Variants in DNAAF9 observed in about 807,000 individuals in gnomAD.
DNAAF9 encodes the protein shulin.
In DNAAF9, 90 loss-of-function variants were observed where a neutral mutation model predicts 167.0. The observed-to-expected ratio is 0.54, with a 90% CI of 0.45 to 0.64. DNAAF9 has a LOEUF of 0.64. DNAAF9 is among the 30% of genes least tolerant of loss of function. The pLI is 0.00. For synonymous variants in DNAAF9, 491 were observed against 508.8 expected, an observed-to-expected ratio of 0.96 and a Z score of 0.47; for missense variants, 1,315 against 1,442.2, an observed-to-expected ratio of 0.91 and a Z score of 1.43.
intron 1 of DNAAF9, among the ~76,000 whole-genome samples, chr20:3,396,227 A>G (rs1243174639): frequency 6.6e-6 from 1 of 152,146 alleles, no homozygotes; most frequent in Non-Finnish European, 1.5e-5. Context: ...AGTCCGTTAC[A>G]TTTTTTCAAA....
At chr20:3,384,392 G>A (rs2083704574) in intron 1 of DNAAF9, 1 of 152,180 alleles carries the variant, frequency 6.6e-6, no homozygotes, top group Non-Finnish European at 1.5e-5. Context: ...ACTGATGACT[G>A]TTTTCTTCCT....
chr20:3,274,177 G>C (rs1490011180), intron 29 of DNAAF9, among the ~76,000 whole-genome samples: 1 of 151,814 alleles, frequency 6.6e-6, no homozygotes, highest in Non-Finnish European at 1.5e-5. Context: ...GAGTCTCACT[G>C]GGTCACCCAG....
At chr20:3,255,323 A>G in intron 34 of DNAAF9, 39 bp from the exon 35 acceptor site, 1 of 1,347,006 alleles carries the variant, frequency 7.4e-7, no homozygotes, top group South Asian at 1.3e-5. Flanking sequence ...TCCCAGCAGA[A>G]CTCATGGAGT....
chr20:3,298,012 A>G lies in DNAAF9; in HGVS notation c.1929+17T>C. The G allele has an allele frequency of 6.2e-7, 1 of 1,603,270 alleles. No individual in the cohort carries two copies. Among genetic ancestry groups the G allele is most frequent in the Non-Finnish European group, 8.5e-7 (1 of 1,170,860 alleles). ...AAAAAAGTAGTAGTAGTTTTGCTGA[A>G]TAATGACTGATATTACCTCTGAGTA... is the stretch of plus-strand genomic sequence containing the variant. On this transcript the variant is annotated intron_variant, in intron 22 of 36. Coordinates refer to ENST00000252032, the MANE Select transcript of DNAAF9 (RefSeq NM_001009984.3).
chr20:3,397,247 C>CAA (rs563829447), intron 1 of DNAAF9, among the ~76,000 whole-genome samples: 15 of 120,000 alleles, frequency 1.3e-4, no homozygotes, highest in South Asian at 7.8e-4. Flanking sequence ...GACCCCGTAT[C>CAA]AAAAAAAAAA....
At chr20:3,275,470 A>G (rs1443057121) in intron 29 of DNAAF9, among the ~76,000 whole-genome samples, 1 of 152,230 alleles carries the variant, frequency 6.6e-6, no homozygotes, top group African/African-American at 2.4e-5. Flanking sequence ...CACAACTTGT[A>G]CAAAGTCCTG....
chr20:3,264,628 G>A (rs2068454210), intron 30 of DNAAF9, 104 bp from the exon 31 acceptor site: 14 of 702,030 alleles, frequency 2.0e-5, no homozygotes, highest in Non-Finnish European at 3.6e-5. Flanking sequence ...GGAGTGCAGT[G>A]GTGCAATCTT....
chr20:3,253,927 T>C (rs1311687045), intron 35 of DNAAF9, 108 bp from the exon 36 acceptor site: 2 of 678,060 alleles, frequency 2.9e-6, no homozygotes, highest in South Asian at 3.5e-5. Context: ...TACTCTGCTA[T>C]ACAGAGGAGC....
At chr20:3,263,872 A>T (rs2068438032) in intron 31 of DNAAF9, among the ~76,000 whole-genome samples, 1 of 152,006 alleles carries the variant, frequency 6.6e-6, no homozygotes, top group African/African-American at 2.4e-5. Flanking sequence ...CCATATAGAG[A>T]GTGGAGTCTT....
At chr20:3,275,439 G>T (rs2068661073) in intron 29 of DNAAF9, among the ~76,000 whole-genome samples, 1 of 152,310 alleles carries the variant, frequency 6.6e-6, no homozygotes, top group East Asian at 1.9e-4. Context: ...AGAAAAGGCT[G>T]GGATCTGGGT....
chr20:3,376,240 A>G lies in DNAAF9; in HGVS notation c.346T>C (p.Tyr116His). The G allele has an allele frequency of 6.2e-7, 1 of 1,613,582 alleles. No individual in the cohort carries two copies. The highest frequency in any genetic ancestry group is 1.1e-5 in the South Asian group (1 of 91,048). The change falls in exon 4 of 37, where the codon TAT becomes CAT. Residue 116 changes from tyrosine to histidine, a missense_variant. Around this residue, in one of 2 missense-constraint regions of DNAAF9, gnomAD observed 981 missense variants for 1,012.5 expected, o/e 0.97. Coordinates refer to ENST00000252032, the MANE Select transcript of DNAAF9 (RefSeq NM_001009984.3). Reference sequence around the variant, plus strand: ...CAATGTGCCACATAAGGTAAGAGATAGCGAAAGTTTACAGGATTACAGTAC... The same window carrying G: ...CAATGTGCCACATAAGGTAAGAGATGGCGAAAGTTTACAGGATTACAGTAC... The part of the protein sequence containing the change: ...HLYCNPVNFR[Y>H]LLPYVAHWRN...
At chr20:3,276,620 C>T (rs1362983436) in intron 29 of DNAAF9, among the ~76,000 whole-genome samples, 2 of 152,178 alleles carry the variant, frequency 1.3e-5, no homozygotes, top group East Asian at 1.9e-4. Flanking sequence ...AGAACACTTC[C>T]CCAAGGCTCT....
At chr20:3,331,659 G>T (rs1051499988) in intron 11 of DNAAF9, among the ~76,000 whole-genome samples, 1 of 152,082 alleles carries the variant, frequency 6.6e-6, no homozygotes, top group African/African-American at 2.4e-5. Flanking sequence ...TCCCACTGCG[G>T]ACCCCACCTC....
At chr20:3,352,005 C>T (rs2070335308) in intron 7 of DNAAF9, among the ~76,000 whole-genome samples, 1 of 152,044 alleles carries the variant, frequency 6.6e-6, no homozygotes, top group Non-Finnish European at 1.5e-5. Flanking sequence ...GTGATCTGTC[C>T]GCCTTGGCCT....
chr20:3,405,440 G>A (rs57556545), intron 1 of DNAAF9, among the ~76,000 whole-genome samples: 179 of 152,316 alleles, frequency 1.2e-3, no homozygotes, highest in African/African-American at 4.1e-3. Context: ...TAAGGGAAAG[G>A]CTTGAATGGG....
intron 1 of DNAAF9, among the ~76,000 whole-genome samples, chr20:3,395,781 C>A (rs1261436867): frequency 1.3e-5 from 2 of 151,992 alleles, no homozygotes; most frequent in African/African-American, 4.8e-5. Context: ...ATAAAATAAT[C>A]TTTAACATTC....
chr20:3,264,776 G>A (rs2068456925), intron 30 of DNAAF9, among the ~76,000 whole-genome samples: 1 of 152,082 alleles, frequency 6.6e-6, no homozygotes. Flanking sequence ...CACCATGTTG[G>A]CCAGGATCGT....
chr20:3,315,754 T>C lies in DNAAF9; in HGVS notation c.1571A>G (p.Lys524Arg), dbSNP rs2069490213. The C allele has an allele frequency of 1.2e-6, 2 of 1,613,714 alleles. No homozygotes were observed. Among genetic ancestry groups the C allele is most frequent in the Non-Finnish European group, 1.7e-6 (2 of 1,179,690 alleles). ...VEDNEVKLSE[K>R]TQQAVRGDES... ...GCTTACCCTCACTGCTTGCTGGGTT[T>C]TCTCAGACAATTTTACTTCATTATC... The change falls in exon 19 of 37, where the codon AAA becomes AGA. Residue 524 changes from lysine (K) to arginine (R), a missense_variant. Coordinates refer to ENST00000252032, the MANE Select transcript of DNAAF9 (RefSeq NM_001009984.3). This position sits in a 1 kb window ranked among gnomAD's most constrained non-coding sequence, Gnocchi z 4.1.
chr20:3,258,767 C>A (rs775896671), intron 33 of DNAAF9, among the ~76,000 whole-genome samples: 9 of 152,116 alleles, frequency 5.9e-5, no homozygotes, highest in Non-Finnish European at 1.2e-4. Context: ...ACAGCCAACA[C>A]CTGCTAGCTG....
Sources: allele counts gnomAD v4.1 joint callset (sites outside exome capture counted in the v4.1 genomes callset), GRCh38; gene constraint gnomAD v4.1.1; regional missense constraint gnomAD v4.1.1; non-coding constraint Gnocchi (gnomAD v3.1); transcripts MANE v1.5; gene names NCBI Gene and HGNC (gene_info 2026-07-23, HGNC 2026-07-21).